MCTP1: variants seen among roughly 807,000 people sequenced by gnomAD.
MCTP1 encodes multiple C2 and transmembrane domain-containing protein 1.
MCTP1 carries 69 observed loss-of-function variants against 120.6 expected under a neutral mutation model. The ratio of observed to expected loss-of-function variants is 0.57; its 90% CI spans 0.47 to 0.70. The LOEUF (loss-of-function observed/expected upper bound fraction) is 0.70. Among genes scored for constraint, MCTP1 ranks in the 30% least tolerant of loss-of-function variants. MCTP1 has a pLI of 0.00. For synonymous variants in MCTP1, 529 were observed against 493.1 expected (o/e 1.07, Z -0.96); for missense variants, 1,203 against 1,248.8 (o/e 0.96, Z 0.55).
At chr5:95,037,468 A>C (rs531156734) in intron 1 of MCTP1, among the ~76,000 whole-genome samples, 1 of 152,326 alleles carries the variant, frequency 6.6e-6, no homozygotes, top group Admixed American at 6.5e-5. Flanking sequence ...TTATATAACA[A>C]GGAAATTAAG....
At chr5:94,832,656 TC>T (rs1448416210) in intron 17 of MCTP1, among the ~76,000 whole-genome samples, 2 of 148,882 alleles carry the variant, frequency 1.3e-5, no homozygotes, top group Non-Finnish European at 3.0e-5. Context: ...ACTTCCCTAC[TC>T]CCCTTCAGAA....
chr5:94,810,139 T>C (rs1190720428), intron 17 of MCTP1, among the ~76,000 whole-genome samples: 2 of 152,118 alleles, frequency 1.3e-5, no homozygotes, highest in East Asian at 3.8e-4. Flanking sequence ...TGTGATCTTT[T>C]ATTTAAGTAT....
At chr5:94,736,071 C>T (rs1764164161) in intron 19 of MCTP1, among the ~76,000 whole-genome samples, 1 of 152,198 alleles carries the variant, frequency 6.6e-6, no homozygotes, top group African/African-American at 2.4e-5. Flanking sequence ...ACTTCAGCTT[C>T]TTTATCTCTA....
chr5:94,859,237 G>A (rs949282721), intron 17 of MCTP1, among the ~76,000 whole-genome samples: 4 of 151,668 alleles, frequency 2.6e-5, no homozygotes, highest in Non-Finnish European at 4.4e-5. Flanking sequence ...CCTCTTGGTT[G>A]AGGCACGCAA....
chr5:95,123,302 A>G (rs1230473905), intron 1 of MCTP1, among the ~76,000 whole-genome samples: 5 of 151,936 alleles, frequency 3.3e-5, no homozygotes, highest in African/African-American at 1.2e-4. Flanking sequence ...CTAAAAAAAA[A>G]TGGAGGAACA....
chr5:95,013,153 C>T (rs1836369398), intron 2 of MCTP1, among the ~76,000 whole-genome samples: 1 of 152,080 alleles, frequency 6.6e-6, no homozygotes, highest in Non-Finnish European at 1.5e-5. Flanking sequence ...TAAACCAAAG[C>T]CTAATCCAGA....
intron 17 of MCTP1, among the ~76,000 whole-genome samples, chr5:94,866,120 T>C (rs962182754): frequency 6.6e-6 from 1 of 151,958 alleles, no homozygotes; most frequent in Non-Finnish European, 1.5e-5. Context: ...CTAGCTTCCT[T>C]AGAGCAAACC....
chr5:95,185,402 A>G (rs1214464112), intron 1 of MCTP1, among the ~76,000 whole-genome samples: 1 of 152,218 alleles, frequency 6.6e-6, no homozygotes, highest in African/African-American at 2.4e-5. Flanking sequence ...GAAATCCACC[A>G]TATCAACAGG....
chr5:94,789,596 C>A (rs1778459881), intron 18 of MCTP1: 1 of 152,122 alleles, frequency 6.6e-6, no homozygotes, highest in Non-Finnish European at 1.5e-5. Flanking sequence ...CAAACAGTGG[C>A]CACAGGTAGA....
At chr5:94,906,146 G>A (rs1806839711) in intron 10 of MCTP1, among the ~76,000 whole-genome samples, 1 of 152,148 alleles carries the variant, frequency 6.6e-6, no homozygotes, top group African/African-American at 2.4e-5. Context: ...AGTAGTTTTG[G>A]TGGCTTGTTG....
Position 95,284,443 on chromosome 5 carries a change from C to G in MCTP1, c.133G>C (p.Gly45Arg). The change falls in exon 1 of 23, where the codon GGT (glycine) becomes CGT (arginine). Residue 45 changes from glycine to arginine, a missense_variant. Gly to Arg is a moderately radical substitution (Grantham distance 125). Coordinates refer to ENST00000515393, the MANE Select transcript of MCTP1 (RefSeq NM_024717.7). The surrounding 1 kb of genome is among the most constrained non-coding windows in gnomAD (Gnocchi z 5.2). ...GTGTCCGCAGTGCGGCGCTCTGGACCCCCAGCGCGCCCGCCCCCGCCGCCC... is the reference window on the plus strand; with the variant it reads ...GTGTCCGCAGTGCGGCGCTCTGGACGCCCAGCGCGCCCGCCCCCGCCGCCC... ...SKGGGGGRAG[G>R]PERRTADTPS... 1 of 1,523,414 alleles carries G rather than the reference C, an allele frequency of 6.6e-7. No homozygotes were observed. The highest frequency in any genetic ancestry group is 8.7e-7 in the Non-Finnish European group (1 of 1,143,466). 94.4% of individuals were successfully genotyped at this position (1,523,414 alleles called of 1,614,324 possible).
chr5:94,992,014 G>C (rs978748372), intron 2 of MCTP1, among the ~76,000 whole-genome samples: 1 of 152,168 alleles, frequency 6.6e-6, no homozygotes, highest in Non-Finnish European at 1.5e-5. Flanking sequence ...GAGGCAGATG[G>C]GCTGTTGTGT....
chr5:95,176,276 G>A (rs781120342), intron 1 of MCTP1, among the ~76,000 whole-genome samples: 16 of 152,150 alleles, frequency 1.1e-4, no homozygotes, highest in Non-Finnish European at 2.1e-4. Context: ...TGTAATCCCA[G>A]AACTTTGGGA....
chr5:95,053,997 A>G (rs1201245089), intron 1 of MCTP1, among the ~76,000 whole-genome samples: 1 of 152,248 alleles, frequency 6.6e-6, no homozygotes, highest in Non-Finnish European at 1.5e-5. Flanking sequence ...GTAAAAAAGT[A>G]TCCAGGTTCC....
In MCTP1 at chr5:94,982,057, C is replaced by G. The variant is rs539780093; in HGVS notation, c.839-28696G>C. ...ACTTAAAGGGCCAATCATAAAAGGG[C>G]AAGTACATTGTTTTCTTAAGTTACT... is the stretch of plus-strand genomic sequence containing the variant. On this transcript the variant is annotated intron_variant, in intron 2 of 22. Coordinates refer to ENST00000515393, the MANE Select transcript of MCTP1 (RefSeq NM_024717.7). 2.8e-3 allele frequency among the ~76,000 whole-genome samples: 428 copies of G among 152,176 alleles called. 3 individuals are homozygous for G. The highest frequency in any genetic ancestry group is 3.1e-3 in the Non-Finnish European group (214 of 68,004).
intron 1 of MCTP1, among the ~76,000 whole-genome samples, chr5:95,082,126 T>C (rs1236881953): frequency 6.6e-6 from 1 of 152,146 alleles, no homozygotes; most frequent in Non-Finnish European, 1.5e-5. Flanking sequence ...CTTCACTAAG[T>C]AGAGAATGGA....
chr5:94,887,408 T>C lies in MCTP1; in HGVS notation c.1933+1471A>G, dbSNP rs547313104. ...CATATTCATGAAGTTTGAAAATCAA[T>C]GACAGCTTCTCTCCAAAGAAGACAA... On this transcript the variant is annotated intron_variant, in intron 12 of 22. Transcript: ENST00000515393. 3.3e-5 allele frequency among the ~76,000 whole-genome samples: 5 copies of C among 152,258 alleles called. No homozygotes were observed. The East Asian group carries it at 9.6e-4, about 29-fold the overall frequency.
intron 1 of MCTP1, among the ~76,000 whole-genome samples, chr5:95,185,991 A>AAAAC (rs778764193): frequency 5.2e-4 from 79 of 152,100 alleles, no homozygotes; most frequent in East Asian, 1.2e-3. Context: ...CTCCATCTCA[A>AAAAC]AAACAAACAA....
At chr5:94,790,947 T>C (rs1488085195) in intron 18 of MCTP1, among the ~76,000 whole-genome samples, 1 of 151,816 alleles carries the variant, frequency 6.6e-6, no homozygotes, top group Non-Finnish European at 1.5e-5. Flanking sequence ...AAAATTTCTT[T>C]AGGATTTTCT....
Sources: allele counts gnomAD v4.1 joint callset (sites outside exome capture counted in the v4.1 genomes callset), GRCh38; gene constraint gnomAD v4.1.1; non-coding constraint Gnocchi (gnomAD v3.1); transcripts MANE v1.5; gene names NCBI Gene and HGNC (gene_info 2026-07-23, HGNC 2026-07-21).